The following PARD3B variants were observed in gnomAD, a reference collection of about 807,000 sequenced individuals.
PARD3B encodes the protein partitioning defective 3 homolog B.
PARD3B carries 103 observed loss-of-function variants against 130.2 expected under a neutral mutation model. The observed-to-expected ratio is 0.79, with a 90% CI of 0.67 to 0.93. The LOEUF (loss-of-function observed/expected upper bound fraction) is 0.93. Ranked by LOEUF, PARD3B falls within the 40% of genes least tolerant of loss-of-function variation. The pLI is 0.00. For synonymous variants in PARD3B, 583 were observed against 553.2 expected (o/e 1.05, Z -0.76); for missense variants, 1,609 against 1,499.2 (o/e 1.07, Z -1.21).
At chr2:204,833,505 C>A (rs769777977) in intron 2 of PARD3B, among the ~76,000 whole-genome samples, 2 of 151,994 alleles carry the variant, frequency 1.3e-5, no homozygotes, top group African/African-American at 2.4e-5. Context: ...CAATTCTTAT[C>A]TTGAATTGGA....
At chr2:204,754,108 C>A (rs1048666774) in intron 2 of PARD3B, among the ~76,000 whole-genome samples, 1 of 152,006 alleles carries the variant, frequency 6.6e-6, no homozygotes, top group Non-Finnish European at 1.5e-5. Context: ...AAAAACAGTG[C>A]CACTATGAGC....
At chr2:205,132,553 C>T (rs1267640244) in intron 10 of PARD3B, among the ~76,000 whole-genome samples, 5 of 152,084 alleles carry the variant, frequency 3.3e-5, no homozygotes, top group African/African-American at 9.7e-5. Flanking sequence ...CCTTGAACCC[C>T]CAAGTCTAGT....
intron 2 of PARD3B, among the ~76,000 whole-genome samples, chr2:204,808,906 A>G (rs1227486496): frequency 6.6e-6 from 1 of 151,850 alleles, no homozygotes. Flanking sequence ...AGGAATCACC[A>G]CACTGCTTTT....
At chr2:205,250,844 G>T (rs139087616) in intron 16 of PARD3B, among the ~76,000 whole-genome samples, 4 of 152,056 alleles carry the variant, frequency 2.6e-5, no homozygotes, top group African/African-American at 7.2e-5. Context: ...CAAGAGAATC[G>T]CTTGAACCCA....
chr2:205,566,894 C>A (rs943611097), intron 22 of PARD3B, among the ~76,000 whole-genome samples: 3 of 152,200 alleles, frequency 2.0e-5, no homozygotes, highest in Admixed American at 6.5e-5. Flanking sequence ...TTATCTATCA[C>A]TGTCTTTGTA....
At position 205,274,985 on chromosome 2, in the gene PARD3B, G is replaced by A. The variant is rs187710747; in HGVS notation, c.2186-25545G>A. ...GTAAAGTGGTCTGTGGCTTCAAAGGGCTTTTATTTGCTTTACTTGCTTCTA... is the reference window on the plus strand; with the variant it reads ...GTAAAGTGGTCTGTGGCTTCAAAGGACTTTTATTTGCTTTACTTGCTTCTA... On this transcript the variant is annotated intron_variant, in intron 16 of 22. Transcript: ENST00000406610. The surrounding 1 kb of genome is among the most constrained non-coding windows in gnomAD (Gnocchi z 4.2). Among the ~76,000 whole-genome samples the A allele has an allele frequency of 5.8e-4, 88 of 152,122 alleles. No individual in the cohort carries two copies. Among genetic ancestry groups the A allele is most frequent in the Non-Finnish European group, 2.9e-5 (2 of 67,986 alleles).
rs1280743774 is a variant in PARD3B at position 205,276,990 on chromosome 2, C to T, written c.2186-23540C>T. Among the ~76,000 whole-genome samples, 4 of 152,182 alleles carry T rather than the reference C, an allele frequency of 2.6e-5. No individual in the cohort carries two copies. The highest frequency in any genetic ancestry group is 5.9e-5 in the Non-Finnish European group (4 of 68,036). On this transcript the variant is annotated intron_variant, in intron 16 of 22. Coordinates refer to ENST00000406610, the MANE Select transcript of PARD3B (RefSeq NM_001302769.2). The surrounding 1 kb of genome is among the most constrained non-coding windows in gnomAD (Gnocchi z 5.0). ...CTGGCACCTAGGACAACCTCCATAC[C>T]TGCTAGTTGTTATGTTTGAGTGATC...
At chr2:204,650,304 G>A (rs1423284864) in intron 1 of PARD3B, among the ~76,000 whole-genome samples, 1 of 152,176 alleles carries the variant, frequency 6.6e-6, no homozygotes, top group Non-Finnish European at 1.5e-5. Context: ...TGGTGGGACT[G>A]TAAACTGGTT....
chr2:205,207,993 A>AGCG (rs1041555762), intron 15 of PARD3B, among the ~76,000 whole-genome samples: 1 of 79,312 alleles, frequency 1.3e-5, no homozygotes, highest in Non-Finnish European at 2.3e-5. Flanking sequence ...AAACGAATCC[A>AGCG]GCGGCACATC....
At chr2:204,892,934 T>TA (rs1036400924) in intron 2 of PARD3B, among the ~76,000 whole-genome samples, 2 of 152,178 alleles carry the variant, frequency 1.3e-5, no homozygotes, top group African/African-American at 4.8e-5. Context: ...TTGACAGTTA[T>TA]AAAAGACTGG....
At chr2:204,896,439 C>T (rs957154002) in intron 2 of PARD3B, among the ~76,000 whole-genome samples, 3 of 152,122 alleles carry the variant, frequency 2.0e-5, no homozygotes, top group African/African-American at 4.8e-5. Flanking sequence ...TGAGCTACCT[C>T]TGCCCGTGGT....
chr2:204,972,549 T>A (rs978144754), intron 3 of PARD3B, among the ~76,000 whole-genome samples: 3 of 152,294 alleles, frequency 2.0e-5, no homozygotes, highest in African/African-American at 7.2e-5. Flanking sequence ...ATGGCTAAGT[T>A]TAGCAGTTAA....
rs548710775 is a variant in PARD3B, at chr2:204,765,870, T to C, written c.222+79588T>C. Among the ~76,000 whole-genome samples the C allele has an allele frequency of 3.3e-5, 5 of 152,238 alleles. No homozygotes were observed. In the East Asian group the frequency reaches 7.7e-4, roughly 24 times the overall value. On this transcript the variant is annotated intron_variant, in intron 2 of 22. Transcript: ENST00000406610. ...TGATGTGCTAGAGTATGAAACCAAG[T>C]GTAATTTCAGCAATTTCGAGCCCAT...
chr2:205,617,838 T>A lies in PARD3B; in HGVS notation c.*2025T>A, dbSNP rs2055483422. On this transcript the variant is annotated 3_prime_UTR_variant, in exon 23 of 23. Transcript: ENST00000406610. ...GGACGTGTAACTTGTTTTGAAGCAT[T>A]AAAAACCAGCAGCTCTTCACTATGT... 1 of 152,200 alleles carries A rather than the reference T, an allele frequency of 6.6e-6. No homozygotes were observed. Among genetic ancestry groups the A allele is most frequent in the African/African-American group, 2.4e-5 (1 of 41,454 alleles). The allele number at this position is 152,200 out of a possible 1,614,324, so 9.4% of individuals were successfully genotyped here.
chr2:205,476,613 G>GTTTT (rs755293799), intron 20 of PARD3B, among the ~76,000 whole-genome samples: 1 of 151,752 alleles, frequency 6.6e-6, no homozygotes, highest in South Asian at 2.1e-4. Flanking sequence ...TGTTTTCTGG[G>GTTTT]TTTTTTGTTT....
chr2:204,708,657 G>A (rs916345624), intron 2 of PARD3B, among the ~76,000 whole-genome samples: 1 of 152,186 alleles, frequency 6.6e-6, no homozygotes, highest in East Asian at 1.9e-4. Flanking sequence ...TGTTTCTAGG[G>A]ATTTACATCC....
chr2:204,776,882 G>A, intron 2 of PARD3B, among the ~76,000 whole-genome samples: 1 of 151,846 alleles, frequency 6.6e-6, no homozygotes, highest in East Asian at 2.0e-4. Context: ...ACCGCAAGGA[G>A]AGGATGGCAT....
In PARD3B at chr2:204,570,533, CA is replaced by C. The variant is rs547366028; in HGVS notation, c.120+24419del. Among the ~76,000 whole-genome samples the C allele has an allele frequency of 1.3e-4, 20 of 152,230 alleles. No homozygotes were observed. The East Asian group carries it at 3.7e-3, about 28-fold the overall frequency. ...AGAATATTGTGGTTTGGGGACCTCT[CA>C]AAAATACGGAGAGTCTTGTTTGCCT... is the stretch of plus-strand genomic sequence containing the variant. On this transcript the variant is annotated intron_variant, in intron 1 of 22. Transcript: ENST00000406610.
intron 18 of PARD3B, among the ~76,000 whole-genome samples, chr2:205,392,129 G>T (rs849237): frequency 4.6e-5 from 7 of 152,044 alleles, no homozygotes; most frequent in Admixed American, 2.0e-4. Context: ...CTAGCCCCTC[G>T]GTATGGGGAA....
Sources: gnomAD v4.1 joint callset for allele counts (sites outside exome capture counted in the v4.1 genomes callset) on GRCh38, gnomAD v4.1.1 for gene constraint, Gnocchi (gnomAD v3.1) non-coding constraint, MANE v1.5 for transcripts, NCBI Gene and HGNC (gene_info 2026-07-23, HGNC 2026-07-21) for gene names.